Variants in TMPRSS15 observed in about 807,000 individuals in gnomAD.
TMPRSS15 encodes transmembrane serine protease 15.
In TMPRSS15, 128 loss-of-function variants were observed where a neutral mutation model predicts 125.3. The ratio of observed to expected loss-of-function variants is 1.02; its 90% CI spans 0.89 to 1.18. The LOEUF is 1.18. TMPRSS15 is among the 50% of genes most tolerant of loss of function. The pLI, the probability that TMPRSS15 is intolerant of heterozygous loss-of-function variation, is 0.00. For missense variants in TMPRSS15, 1,283 were observed against 1,212.7 expected (o/e 1.06, Z -0.86); for synonymous variants, 446 against 423.2 (o/e 1.05, Z -0.66).
At chr21:18,383,975 T>A (rs2075918867) in intron 3 of TMPRSS15, among the ~76,000 whole-genome samples, 197 bp from the exon 4 acceptor site, 1 of 152,200 alleles carries the variant, frequency 6.6e-6, no homozygotes, top group Non-Finnish European at 1.5e-5. Flanking sequence ...GACTAAATGC[T>A]TTTTTGAGAA....
chr21:18,359,741 AT>A lies in TMPRSS15; in HGVS notation c.880+15del. On this transcript the variant is annotated intron_variant, in intron 8 of 24. Transcript: ENST00000284885. ...TTTTCATTTTCATAAGTAATTGTAT[AT>A]TTGTTTCAACTTACCTCTTAAAATC... is the stretch of plus-strand genomic sequence containing the variant. The A allele has an allele frequency of 8.5e-7, 1 of 1,178,182 alleles. No individual in the cohort carries two copies. Among genetic ancestry groups the A allele is most frequent in the South Asian group, 1.2e-5 (1 of 80,382 alleles). 73.0% of individuals were successfully genotyped at this position (1,178,182 alleles called of 1,614,324 possible). A position where few individuals can be genotyped will look rare whatever the true frequency, so the allele number is the denominator to read the frequency against.
In TMPRSS15 at chr21:18,362,258, C is replaced by T. The variant is rs1011620654; in HGVS notation, c.774-2395G>A. 3.9e-5 allele frequency among the ~76,000 whole-genome samples: 6 copies of T among 152,182 alleles called. No homozygotes were observed. The East Asian group carries it at 1.2e-3, about 29-fold the overall frequency. On this transcript the variant is annotated intron_variant, in intron 7 of 24. Transcript: ENST00000284885. Reference sequence around the variant, plus strand: ...GTGAGACCTTTAGAGAATCTGGAGTCAAGCTGGAATAGACAGAGATGGAAG... The same window carrying T: ...GTGAGACCTTTAGAGAATCTGGAGTTAAGCTGGAATAGACAGAGATGGAAG...
At chr21:18,367,526 G>T (rs956101827) in intron 6 of TMPRSS15, among the ~76,000 whole-genome samples, 5 of 151,840 alleles carry the variant, frequency 3.3e-5, no homozygotes, top group African/African-American at 9.7e-5. Flanking sequence ...ATTTTATGTG[G>T]TATATAAAGC....
intron 21 of TMPRSS15, among the ~76,000 whole-genome samples, chr21:18,287,309 C>A (rs933352419): frequency 6.6e-6 from 1 of 152,080 alleles, no homozygotes; most frequent in African/African-American, 2.4e-5. Context: ...CCAGTGGTTC[C>A]TCATAACAGC....
intron 1 of TMPRSS15, among the ~76,000 whole-genome samples, chr21:18,464,781 CA>C (rs1338539948): frequency 1.3e-5 from 2 of 152,018 alleles, no homozygotes; most frequent in East Asian, 3.9e-4. Flanking sequence ...GCCTACCAAC[CA>C]AAAAAAGCCC....
intron 18 of TMPRSS15, among the ~76,000 whole-genome samples, chr21:18,312,167 A>T (rs1032706510): frequency 6.6e-6 from 1 of 152,106 alleles, no homozygotes; most frequent in African/African-American, 2.4e-5. Context: ...ATGGTGGGTT[A>T]GAGTTGCCAG....
At chr21:18,323,650 T>TA (rs2075262331) in intron 16 of TMPRSS15, among the ~76,000 whole-genome samples, 1 of 152,122 alleles carries the variant, frequency 6.6e-6, no homozygotes, top group Non-Finnish European at 1.5e-5. Flanking sequence ...AGTATTTTTT[T>TA]AAAAAATCTC....
chr21:18,401,712 T>A (rs145589938), intron 1 of TMPRSS15, among the ~76,000 whole-genome samples: 3 of 152,302 alleles, frequency 2.0e-5, no homozygotes, highest in Non-Finnish European at 4.4e-5. Context: ...AGCCTGCACA[T>A]GTGCCCCCTG....
At chr21:18,282,097 C>CAAACAAAA (rs1568980545) in intron 21 of TMPRSS15, among the ~76,000 whole-genome samples, 1 of 24,958 alleles carries the variant, frequency 4.0e-5, no homozygotes, top group African/African-American at 9.6e-5. Context: ...GACTCCGCCT[C>CAAACAAAA]AAAAAAAAAA....
intron 1 of TMPRSS15, among the ~76,000 whole-genome samples, chr21:18,445,607 T>G (rs13048797): frequency 6.6e-6 from 1 of 151,972 alleles, no homozygotes; most frequent in African/African-American, 2.4e-5. Context: ...AAAAAGATCA[T>G]TCACCATGAT....
At chr21:18,314,381 C>A (rs756543112) in intron 17 of TMPRSS15, among the ~76,000 whole-genome samples, 1 of 152,102 alleles carries the variant, frequency 6.6e-6, no homozygotes, top group Non-Finnish European at 1.5e-5. Flanking sequence ...CAGGTTCAAG[C>A]GATTCTCCTG....
At chr21:18,324,446 T>G (rs1202971735) in intron 16 of TMPRSS15, among the ~76,000 whole-genome samples, 1 of 152,148 alleles carries the variant, frequency 6.6e-6, no homozygotes, top group East Asian at 1.9e-4. Flanking sequence ...AGGCCTCTAG[T>G]CAAATCAGAA....
chr21:18,481,813 A>G (rs1024683424), intron 1 of TMPRSS15, among the ~76,000 whole-genome samples: 7 of 151,658 alleles, frequency 4.6e-5, no homozygotes, highest in Non-Finnish European at 1.0e-4. Flanking sequence ...CTTTAATCAA[A>G]AGTCTATTTC....
chr21:18,309,260 G>C (rs1042552784), intron 18 of TMPRSS15, among the ~76,000 whole-genome samples: 3 of 152,056 alleles, frequency 2.0e-5, no homozygotes, highest in African/African-American at 7.2e-5. Flanking sequence ...ATTAACTCAA[G>C]ATGGATTAAA....
chr21:18,321,597 C>T (rs772525281), intron 16 of TMPRSS15, among the ~76,000 whole-genome samples: 9 of 152,108 alleles, frequency 5.9e-5, no homozygotes, highest in Non-Finnish European at 4.4e-5. Flanking sequence ...TCGATCCGCC[C>T]GCCTTGGCCT....
At chr21:18,435,007 C>A (rs2076224749) in intron 1 of TMPRSS15, among the ~76,000 whole-genome samples, 1 of 152,072 alleles carries the variant, frequency 6.6e-6, no homozygotes. Context: ...TTGGAGGAAG[C>A]AATAACCTCT....
Position 18,294,499 on chromosome 21 carries a change from T to A in TMPRSS15, c.2312-55A>T, listed in dbSNP as rs1010952304. The A allele has an allele frequency of 2.5e-6, 4 of 1,608,982 alleles. No individual in the cohort carries two copies. The Admixed American group carries it at 5.0e-5, about 20-fold the overall frequency. On this transcript the variant is annotated intron_variant, in intron 20 of 24. Coordinates refer to ENST00000284885, the MANE Select transcript of TMPRSS15 (RefSeq NM_002772.3). ...ATTTCATTTTTGGCATTTCTTCTGA[T>A]GGTGAAAATTGAGTGGTAACAAAAT...
At chr21:18,321,491 T>A (rs1485641850) in intron 16 of TMPRSS15, among the ~76,000 whole-genome samples, 2 of 151,618 alleles carry the variant, frequency 1.3e-5, no homozygotes, top group Non-Finnish European at 2.9e-5. Flanking sequence ...TAGCTGGGAC[T>A]ACAGGTGCCT....
At chr21:18,345,050 T>C (rs538155281) in intron 10 of TMPRSS15, among the ~76,000 whole-genome samples, 5 of 152,306 alleles carry the variant, frequency 3.3e-5, no homozygotes, top group African/African-American at 1.2e-4. Context: ...AAGAAGCTAG[T>C]AGAACTGCCT....
Sources: gnomAD v4.1 joint callset for allele counts (sites outside exome capture counted in the v4.1 genomes callset) on GRCh38, gnomAD v4.1.1 for gene constraint, MANE v1.5 for transcripts, NCBI Gene and HGNC (gene_info 2026-07-23, HGNC 2026-07-21) for gene names.